Variants in TRDMT1 observed in about 807,000 individuals in gnomAD.
TRDMT1 encodes the protein tRNA (cytosine(38)-C(5))-methyltransferase.
TRDMT1 carries 49 observed loss-of-function variants against 51.2 expected under a neutral mutation model. The ratio of observed to expected loss-of-function variants is 0.96; its 90% CI spans 0.76 to 1.21. The LOEUF (loss-of-function observed/expected upper bound fraction) is 1.21, where lower values mean the gene tolerates loss of function less well. TRDMT1 is among the 50% of genes most tolerant of loss of function. TRDMT1 has a pLI of 0.00. For missense variants in TRDMT1, 534 were observed against 462.3 expected, an observed-to-expected ratio of 1.16 and a Z score of -1.42; for synonymous variants, 187 against 164.6, an observed-to-expected ratio of 1.14 and a Z score of -1.04.
chr10:17,141,451 C>T lies in TRDMT1; in HGVS notation c.*7589G>A, dbSNP rs761285143. On this transcript the variant is annotated 3_prime_UTR_variant, in exon 11 of 11. Transcript: ENST00000377799. ...CTGGGATTACAGGTGTCAGCCACCG[C>T]GCCCAGCCTCCAGCTGCTTTTAAGG... is the stretch of plus-strand genomic sequence containing the variant. 1.3e-5 allele frequency among the ~76,000 whole-genome samples: 2 copies of T among 152,114 alleles called. No homozygotes were observed. Among genetic ancestry groups the T allele is most frequent in the Non-Finnish European group, 2.9e-5 (2 of 68,012 alleles).
chr10:17,195,089 C>T (rs2131621017), intron 1 of TRDMT1, among the ~76,000 whole-genome samples: 1 of 152,174 alleles, frequency 6.6e-6, no homozygotes, highest in Admixed American at 6.5e-5. Context: ...ACAAAACTAC[C>T]ATTCAACCTC....
intron 6 of TRDMT1, among the ~76,000 whole-genome samples, chr10:17,159,625 C>T (rs1315458233): frequency 1.3e-5 from 2 of 152,072 alleles, no homozygotes; most frequent in Non-Finnish European, 2.9e-5. Context: ...CTATGTTTTA[C>T]AAGCTAAAAG....
intron 3 of TRDMT1, among the ~76,000 whole-genome samples, chr10:17,164,258 C>A (rs527404586): frequency 1.3e-4 from 20 of 152,196 alleles, no homozygotes; most frequent in East Asian, 1.9e-4. Flanking sequence ...ACAGAACCAA[C>A]GACAAAAACC....
At chr10:17,194,140 A>G (rs1291432373) in intron 1 of TRDMT1, among the ~76,000 whole-genome samples, 80 of 152,338 alleles carry the variant, frequency 5.3e-4, no homozygotes, top group Non-Finnish European at 2.5e-4. Flanking sequence ...ACCTTTCACC[A>G]TATACAAAAA....
chr10:17,149,483 C>A (rs1420419959), intron 10 of TRDMT1, among the ~76,000 whole-genome samples: 1 of 151,998 alleles, frequency 6.6e-6, no homozygotes, highest in Non-Finnish European at 1.5e-5. Flanking sequence ...TTTAATAATC[C>A]TTTTATGGAT....
At chr10:17,165,463 G>A (rs1485781120) in intron 3 of TRDMT1, among the ~76,000 whole-genome samples, 2 of 152,124 alleles carry the variant, frequency 1.3e-5, no homozygotes, top group Non-Finnish European at 2.9e-5. Flanking sequence ...GCATGGGCAA[G>A]GACTTTATGT....
rs1839718594 is a variant in TRDMT1 at position 17,157,623 on chromosome 10, T to C, written c.705A>G (p.Ala235=). 6 of 1,613,926 alleles carry C rather than the reference T, an allele frequency of 3.7e-6. No homozygotes were observed. Among genetic ancestry groups the C allele is most frequent in the Non-Finnish European group, 5.1e-6 (6 of 1,179,884 alleles). Residue 235 remains alanine (A), a synonymous_variant, in exon 8 of 11, where the codon GCA becomes GCG. Coordinates refer to ENST00000377799, the MANE Select transcript of TRDMT1 (RefSeq NM_004412.7). ...KDAILFKLET[A]EEIHRKNQQD... ...GTTGATTTTTCCTGTGAATTTCTTC[T>C]GCAGTTTCAAGCTTAAAAAGAATGG...
chr10:17,172,412 C>T (rs1303200838), intron 2 of TRDMT1, among the ~76,000 whole-genome samples: 5 of 152,024 alleles, frequency 3.3e-5, no homozygotes, highest in Admixed American at 1.3e-4. Context: ...AATCCCAGCA[C>T]TTTGAGAGGC....
rs1178333825 is a variant in TRDMT1 at position 17,138,295 on chromosome 10, C to T, written c.*10745G>A. Among the ~76,000 whole-genome samples, 1 of 152,086 alleles carries T rather than the reference C, an allele frequency of 6.6e-6. No homozygotes were observed. The highest frequency in any genetic ancestry group is 2.4e-5 in the African/African-American group (1 of 41,398). Reference sequence around the variant, plus strand: ...TTTGTGAATATAACGATCTTTTAACCTTCATGACACTTAATTCATTCTCTT... The same window carrying T: ...TTTGTGAATATAACGATCTTTTAACTTTCATGACACTTAATTCATTCTCTT... On this transcript the variant is annotated 3_prime_UTR_variant, in exon 11 of 11. Coordinates refer to ENST00000377799, the MANE Select transcript of TRDMT1 (RefSeq NM_004412.7).
intron 1 of TRDMT1, 105 bp from the exon 2 acceptor site, chr10:17,174,765 T>C (rs1842435341): frequency 1.1e-6 from 1 of 886,766 alleles, no homozygotes; most frequent in Non-Finnish European, 1.8e-6. Flanking sequence ...TTTCTTCATT[T>C]ATTAGCCTCA....
intron 1 of TRDMT1, among the ~76,000 whole-genome samples, chr10:17,186,014 G>T (rs552623138): frequency 6.6e-6 from 1 of 151,254 alleles, no homozygotes; most frequent in Non-Finnish European, 1.5e-5. Flanking sequence ...TAACAAACCT[G>T]CATGTTGTGC....
Position 17,157,487 on chromosome 10 carries a change from CT to C in TRDMT1, c.840del (p.Asp281ThrfsTer21). ...PKSLLRYALL[L>X]DIVQPTCRRS... is the part of the protein sequence containing the mutation. Reference sequence around the variant, plus strand: ...CTTCTACAAGTGGGCTGAACAATGTCTAACAGAAGAGCATATCGCAGCAATG... The same window carrying C: ...CTTCTACAAGTGGGCTGAACAATGTCAACAGAAGAGCATATCGCAGCAATG... On this transcript the variant is annotated frameshift_variant, in exon 8 of 11. Transcript: ENST00000377799. LOFTEE classifies it high-confidence loss of function. 6.2e-7 allele frequency: 1 copy of C among 1,613,848 alleles called. No individual in the cohort carries two copies.
Position 17,193,261 on chromosome 10 carries a change from G to T in TRDMT1, c.64+8310C>A, listed in dbSNP as rs11254452. Among the ~76,000 whole-genome samples the T allele has an allele frequency of 6.4e-3, 972 of 152,300 alleles. 13 individuals carry two copies. Among genetic ancestry groups the T allele is most frequent in the African/African-American group, 0.023 (940 of 41,572 alleles). On this transcript the variant is annotated intron_variant, in intron 1 of 10. Transcript: ENST00000377799. The stretch of plus-strand genomic sequence containing the variant: ...GCCTGTAGTCCCAGCTACCCAGGAG[G>T]CTGAGGCAGGAGAATCGCTGGAACC...
rs546578371 is a variant in TRDMT1, at chr10:17,161,543, T to A, written c.329A>T (p.Gln110Leu). Residue 110 changes from glutamine to leucine, a missense_variant, in exon 5 of 11, where the codon CAA (glutamine) becomes CTA (leucine). By Grantham distance (113) the Gln-to-Leu change is moderately radical. Coordinates refer to ENST00000377799, the MANE Select transcript of TRDMT1 (RefSeq NM_004412.7). Reference protein sequence around the residue: ...LHILDILPRLQKLPKYILLEN... With the variant: ...LHILDILPRLLKLPKYILLEN... Reference sequence around the variant, plus strand: ...CAAAAGAATATACTTTGGTAATTTTTGTAATCTATAAAAAAATAAACAAAT... The same window carrying A: ...CAAAAGAATATACTTTGGTAATTTTAGTAATCTATAAAAAAATAAACAAAT... 3 of 1,278,268 alleles carry A rather than the reference T, an allele frequency of 2.3e-6. No homozygotes were observed. In the East Asian group the frequency reaches 8.0e-5, roughly 34 times the overall value. The allele number at this position is 1,278,268 out of a possible 1,614,324, so 79.2% of individuals were successfully genotyped here. A position where few individuals can be genotyped will look rare whatever the true frequency, so the allele number is the denominator to read the frequency against.
In TRDMT1 at chr10:17,144,147, C is replaced by T. The variant is rs111824003; in HGVS notation, c.*4893G>A. The T allele has an allele frequency of 7.1e-6, 7 of 985,504 alleles. No individual in the cohort carries two copies. The highest frequency in any genetic ancestry group is 3.5e-5 in the African/African-American group (2 of 57,326). 61.0% of individuals were successfully genotyped at this position (985,504 alleles called of 1,614,324 possible). A position where few individuals can be genotyped will look rare whatever the true frequency, so the allele number is the denominator to read the frequency against. On this transcript the variant is annotated 3_prime_UTR_variant, in exon 11 of 11. Coordinates refer to ENST00000377799, the MANE Select transcript of TRDMT1 (RefSeq NM_004412.7). ...AACCTTCAGATAAGTCAGCTCCAAG[C>T]CTCTGCTCTTCTTTTTCTCTTTCTC...
At chr10:17,183,379 A>AT (rs1372467381) in intron 1 of TRDMT1, among the ~76,000 whole-genome samples, 1 of 151,856 alleles carries the variant, frequency 6.6e-6, no homozygotes, top group African/African-American at 2.4e-5. Context: ...GAATAATTCG[A>AT]TTTTTTTCTC....
chr10:17,199,996 T>A (rs983041611), intron 1 of TRDMT1, among the ~76,000 whole-genome samples: 1 of 152,222 alleles, frequency 6.6e-6, no homozygotes, highest in East Asian at 1.9e-4. Flanking sequence ...ATATCCCTGA[T>A]GAATATGTAG....
rs1027425810 is a variant in TRDMT1 at position 17,139,298 on chromosome 10, C to T, written c.*9742G>A. ...ATTTAGACACCATTCATACGATAAT[C>T]AAAGGAAAATGTCTGATTGCACTCA... On this transcript the variant is annotated 3_prime_UTR_variant, in exon 11 of 11. Coordinates refer to ENST00000377799, the MANE Select transcript of TRDMT1 (RefSeq NM_004412.7). The T allele has an allele frequency of 1.3e-6, 1 of 794,850 alleles. No individual in the cohort carries two copies. The highest frequency in any genetic ancestry group is 6.2e-5 in the Admixed American group (1 of 16,018). The allele number at this position is 794,850 out of a possible 1,614,324, so 49.2% of individuals were successfully genotyped here.
chr10:17,146,128 T>C lies in TRDMT1; in HGVS notation c.*2912A>G. 1.0e-6 allele frequency: 1 copy of C among 985,330 alleles called. No individual in the cohort carries two copies. The highest frequency in any genetic ancestry group is 1.1e-4 in the East Asian group (1 of 8,828). 61.0% of individuals were successfully genotyped at this position (985,330 alleles called of 1,614,324 possible). On this transcript the variant is annotated 3_prime_UTR_variant, in exon 11 of 11. Coordinates refer to ENST00000377799, the MANE Select transcript of TRDMT1 (RefSeq NM_004412.7). ...TAAAAGCCTCTCTACTAAATAACTTTACCTCTTTGAAAAGTTGGATAATTT... is the reference window on the plus strand; with the variant it reads ...TAAAAGCCTCTCTACTAAATAACTTCACCTCTTTGAAAAGTTGGATAATTT...
Sources: allele counts gnomAD v4.1 joint callset (sites outside exome capture counted in the v4.1 genomes callset), GRCh38; gene constraint gnomAD v4.1.1; transcripts MANE v1.5; gene names NCBI Gene and HGNC (gene_info 2026-07-23, HGNC 2026-07-21).